The following GLI2 variants were observed in gnomAD, a reference collection of about 807,000 sequenced individuals.
GLI2 encodes transcription activator GLI2.
GLI2 carries 22 observed loss-of-function variants against 78.9 expected under a neutral mutation model. The observed-to-expected ratio is 0.28, with a 90% CI of 0.20 to 0.40. The LOEUF is 0.40. Among genes scored for constraint, GLI2 ranks in the 10% least tolerant of loss-of-function variants. GLI2 has a pLI of 1.00. For missense variants in GLI2, 2,097 were observed against 2,213.2 expected (o/e 0.95, Z 1.05); for synonymous variants, 974 against 963.7 (o/e 1.01, Z -0.20).
intron 2 of GLI2, among the ~76,000 whole-genome samples, chr2:120,825,284 GC>G (rs1399708400): frequency 1.3e-5 from 2 of 152,230 alleles, no homozygotes; most frequent in Non-Finnish European, 1.5e-5. Context: ...GGAAGGCCTG[GC>G]CCTGTCCACC....
chr2:120,936,032 G>A (rs1680180550), intron 3 of GLI2, among the ~76,000 whole-genome samples: 2 of 152,142 alleles, frequency 1.3e-5, no homozygotes, highest in South Asian at 4.1e-4. Context: ...GCTGCGGCAG[G>A]ATCGGGATGA....
intron 2 of GLI2, among the ~76,000 whole-genome samples, chr2:120,808,834 CT>C (rs1199022670): frequency 3.3e-5 from 5 of 152,168 alleles, no homozygotes; most frequent in Non-Finnish European, 5.9e-5. Flanking sequence ...TGTTGTTATT[CT>C]CATGGGATAG....
intron 2 of GLI2, among the ~76,000 whole-genome samples, chr2:120,857,307 A>G (rs1687690445): frequency 6.6e-6 from 1 of 150,468 alleles, no homozygotes; most frequent in Non-Finnish European, 1.5e-5. Context: ...CCATCTGCCC[A>G]TCCACTTACC....
chr2:120,751,526 A>G (rs969111349), intron 1 of GLI2, among the ~76,000 whole-genome samples: 8 of 152,322 alleles, frequency 5.3e-5, no homozygotes, highest in Non-Finnish European at 1.2e-4. Flanking sequence ...CTTATATATA[A>G]ATACTCTGAG....
In GLI2 at chr2:120,926,671, C is replaced by T. The variant is rs557880704; in HGVS notation, c.149-690C>T. Among the ~76,000 whole-genome samples the T allele has an allele frequency of 5.9e-5, 9 of 152,290 alleles. 1 individual carries two copies. Among genetic ancestry groups the T allele is most frequent in the East Asian group, 1.9e-4 (1 of 5,190 alleles). On this transcript the variant is annotated intron_variant, in intron 2 of 13. Coordinates refer to ENST00000361492, the MANE Select transcript of GLI2 (RefSeq NM_001374353.1). ...TCCTACAATTATCATGATGATTTGT[C>T]GAGGGCAGGCCAAGTTCAGACAGGA...
chr2:120,967,557 T>A (rs888764970), intron 5 of GLI2, among the ~76,000 whole-genome samples: 1 of 152,232 alleles, frequency 6.6e-6, no homozygotes, highest in African/African-American at 2.4e-5. Context: ...GGTACTCTTG[T>A]CTGGGGCAAG....
chr2:120,961,081 C>G (rs145402080), intron 5 of GLI2, among the ~76,000 whole-genome samples: 12 of 152,132 alleles, frequency 7.9e-5, no homozygotes, highest in Admixed American at 7.9e-4. Context: ...GGTGATTTAA[C>G]GACAGAACAG....
intron 1 of GLI2, among the ~76,000 whole-genome samples, chr2:120,760,907 C>T (rs1683194489): frequency 6.6e-6 from 1 of 152,224 alleles, no homozygotes; most frequent in South Asian, 2.1e-4. Context: ...CCTGAACGCC[C>T]TCTTGCGCAA....
Position 120,982,766 on chromosome 2 carries a change from C to T in GLI2, c.1518C>T (p.His506=), listed in dbSNP as rs1682774277. The T allele has an allele frequency of 6.2e-7, 1 of 1,613,984 alleles. No homozygotes were observed. Among genetic ancestry groups the T allele is most frequent in the African/African-American group, 1.3e-5 (1 of 74,938 alleles). ...AYSRLENLKT[H]LRSHTGEKPY... is the part of the protein sequence containing the mutation. ...CCCGCCTGGAGAACCTGAAGACACA[C>T]CTGCGGTCCCACACCGGGGAGAAGC... is the stretch of plus-strand genomic sequence containing the variant. Residue 506 remains histidine, a synonymous_variant, in exon 11 of 14, where the codon CAC becomes CAT. Transcript: ENST00000361492.
rs150049108 is a variant in GLI2 at position 120,966,793 on chromosome 2, G to A, written c.644-1921G>A. Among the ~76,000 whole-genome samples, 490 of 152,286 alleles carry A rather than the reference G, an allele frequency of 3.2e-3. 2 individuals carry two copies. Among genetic ancestry groups the A allele is most frequent in the African/African-American group, 0.011 (463 of 41,574 alleles). On this transcript the variant is annotated intron_variant, in intron 5 of 13. Transcript: ENST00000361492. ...TCTTGGGGACTGGTAGGTGTGGAGT[G>A]GGGGGCTCAGAGGCTCGTAGGCCAT... is the stretch of plus-strand genomic sequence containing the variant.
chr2:120,906,769 G>T (rs1232390686), intron 2 of GLI2, among the ~76,000 whole-genome samples: 1 of 152,166 alleles, frequency 6.6e-6, no homozygotes, highest in Non-Finnish European at 1.5e-5. Context: ...GAGGCCACCA[G>T]CACCCACCTA....
Position 120,771,386 on chromosome 2 carries a change from G to C in GLI2, c.-30-25905G>C, listed in dbSNP as rs1008340911. On this transcript the variant is annotated intron_variant, in intron 1 of 13. Transcript: ENST00000361492. ...CTGTGACCTCGGGCAAATGGCTTCAGGTTTCTGAGGCTTGGCCTCCGCATC... is the reference window on the plus strand; with the variant it reads ...CTGTGACCTCGGGCAAATGGCTTCACGTTTCTGAGGCTTGGCCTCCGCATC... Among the ~76,000 whole-genome samples, 3 of 152,272 alleles carry C rather than the reference G, an allele frequency of 2.0e-5. No homozygotes were observed. In the South Asian group the frequency reaches 6.2e-4, roughly 32 times the overall value.
chr2:120,908,640 A>T (rs1417660569), intron 2 of GLI2, among the ~76,000 whole-genome samples: 1 of 152,130 alleles, frequency 6.6e-6, no homozygotes, highest in Non-Finnish European at 1.5e-5. Flanking sequence ...AGACCTGGCC[A>T]CTGCTTGGGC....
At chr2:120,936,873 C>G (rs1573632827) in intron 3 of GLI2, among the ~76,000 whole-genome samples, 1 of 152,276 alleles carries the variant, frequency 6.6e-6, no homozygotes, top group East Asian at 1.9e-4. Flanking sequence ...CAGCCCGAGT[C>G]AAGGTGTTGC....
intron 1 of GLI2, among the ~76,000 whole-genome samples, chr2:120,752,423 C>T (rs1238584007): frequency 1.3e-5 from 2 of 152,032 alleles, no homozygotes; most frequent in African/African-American, 4.8e-5. Flanking sequence ...GCATCTGCCA[C>T]GATGCTCGGC....
chr2:120,887,684 G>T (rs1487221885), intron 2 of GLI2, among the ~76,000 whole-genome samples: 3 of 152,204 alleles, frequency 2.0e-5, no homozygotes, highest in East Asian at 1.9e-4. Context: ...CCCGGAGCGG[G>T]GTGCTGTTTG....
chr2:120,856,830 G>A (rs1026699545), intron 2 of GLI2, among the ~76,000 whole-genome samples: 1 of 151,868 alleles, frequency 6.6e-6, no homozygotes, highest in East Asian at 1.9e-4. Context: ...AAATCCAGAC[G>A]GAAAGGCCTC....
rs1444914571 is a variant in GLI2, at chr2:120,735,875, G to C, written c.-441G>C. ...GCTGCGCAGTCCGGCGGCGCTGATG[G>C]ATTGCAGAAGTGCCGGCGCTTGCCA... On this transcript the variant is annotated 5_prime_UTR_variant, in exon 1 of 14. Transcript: ENST00000361492. 6.6e-6 allele frequency among the ~76,000 whole-genome samples: 1 copy of C among 151,954 alleles called. No individual in the cohort carries two copies. The highest frequency in any genetic ancestry group is 2.4e-5 in the African/African-American group (1 of 41,378).
chr2:120,887,210 G>A (rs777537822), intron 2 of GLI2, among the ~76,000 whole-genome samples: 4 of 152,108 alleles, frequency 2.6e-5, no homozygotes, highest in South Asian at 2.1e-4. Context: ...AGCACCCCCC[G>A]CCCACAAGAT....
Sources: allele counts gnomAD v4.1 joint callset (sites outside exome capture counted in the v4.1 genomes callset), GRCh38; gene constraint gnomAD v4.1.1; transcripts MANE v1.5; gene names NCBI Gene and HGNC (gene_info 2026-07-23, HGNC 2026-07-21).